CCDC60: variants seen among roughly 807,000 people sequenced by gnomAD.
CCDC60 encodes the protein coiled-coil domain-containing protein 60.
In CCDC60, 54 loss-of-function variants were observed where a neutral mutation model predicts 63.5. That is an observed-to-expected ratio of 0.85 (90% CI 0.68 to 1.07). The LOEUF is 1.07. Ranked by LOEUF, CCDC60 falls within the 50% of genes least tolerant of loss-of-function variation. The pLI is 0.00. For missense variants in CCDC60, 651 were observed against 684.3 expected, an observed-to-expected ratio of 0.95 and a Z score of 0.54; for synonymous variants, 206 against 238.8, an observed-to-expected ratio of 0.86 and a Z score of 1.27.
chr12:119,466,237 T>A (rs552885925), intron 2 of CCDC60, among the ~76,000 whole-genome samples: 3 of 152,156 alleles, frequency 2.0e-5, no homozygotes, highest in African/African-American at 7.2e-5. Context: ...TGTTCCTCCA[T>A]AGCAGTTGGC....
intron 1 of CCDC60, among the ~76,000 whole-genome samples, chr12:119,376,190 A>G (rs1369581576): frequency 2.6e-5 from 4 of 152,186 alleles, no homozygotes; most frequent in Admixed American, 1.3e-4. Context: ...AGCCCACTCA[A>G]TTGGAACAGC....
intron 1 of CCDC60, among the ~76,000 whole-genome samples, chr12:119,413,609 C>T (rs1292312205): frequency 2.0e-5 from 3 of 152,216 alleles, no homozygotes; most frequent in Non-Finnish European, 4.4e-5. Context: ...GTGGGCCTCT[C>T]AGCATCCTCA....
chr12:119,421,519 C>T (rs1302297737), intron 1 of CCDC60, among the ~76,000 whole-genome samples: 1 of 152,176 alleles, frequency 6.6e-6, no homozygotes, highest in Non-Finnish European at 1.5e-5. Context: ...CTTTTTAAGC[C>T]TCTATTTGCT....
chr12:119,406,907 T>C (rs536834895), intron 1 of CCDC60, among the ~76,000 whole-genome samples: 2 of 152,202 alleles, frequency 1.3e-5, no homozygotes, highest in Admixed American at 1.3e-4. Flanking sequence ...TTTGGTTTCA[T>C]GTTTGTAAAG....
chr12:119,431,205 C>CTG lies in CCDC60; in HGVS notation c.170+2448_170+2449dup, dbSNP rs145201722. On this transcript the variant is annotated intron_variant, in intron 2 of 13. Coordinates refer to ENST00000327554, the MANE Select transcript of CCDC60 (RefSeq NM_178499.5). ...GAAAGAGTAATTCACGCAGAGCCGG[C>CTG]TGTGTGAGAGATTAAAGTTTTATTA... 5.5e-3 allele frequency among the ~76,000 whole-genome samples: 844 copies of CTG among 152,316 alleles called. 7 individuals are homozygous for CTG. Among genetic ancestry groups the CTG allele is most frequent in the African/African-American group, 0.02 (813 of 41,568 alleles).
At chr12:119,386,736 A>G (rs1956067100) in intron 1 of CCDC60, among the ~76,000 whole-genome samples, 1 of 152,188 alleles carries the variant, frequency 6.6e-6, no homozygotes, top group Non-Finnish European at 1.5e-5. Flanking sequence ...GAGCCTTAAG[A>G]CTAATGGTAC....
chr12:119,404,362 ACACC>A (rs1375025675), intron 1 of CCDC60, among the ~76,000 whole-genome samples: 2 of 150,804 alleles, frequency 1.3e-5, no homozygotes, highest in Admixed American at 1.3e-4. Context: ...TTGTGTGCTC[ACACC>A]TCCAGCTCCC....
chr12:119,356,515 T>C (rs768577752), intron 1 of CCDC60, among the ~76,000 whole-genome samples: 1 of 152,220 alleles, frequency 6.6e-6, no homozygotes, highest in Non-Finnish European at 1.5e-5. Flanking sequence ...GTTCAGACCA[T>C]TTCCTTCCAA....
chr12:119,488,760 G>T lies in CCDC60; in HGVS notation c.451G>T (p.Glu151Ter), dbSNP rs144745942. 1.2e-6 allele frequency: 2 copies of T among 1,613,670 alleles called. No individual in the cohort carries two copies. Among genetic ancestry groups the T allele is most frequent in the Non-Finnish European group, 1.7e-6 (2 of 1,179,620 alleles). The change falls in exon 5 of 14, where the codon GAG becomes TAG. Residue 151 changes from glutamate to a stop codon, truncating the protein, a stop_gained and splice_region_variant. Coordinates refer to ENST00000327554, the MANE Select transcript of CCDC60 (RefSeq NM_178499.5). LOFTEE classifies it high-confidence loss of function. ...TGTTCCCTCTCTCTGTCTTTGCAGC[G>T]AGCCCCTCTTCCGCCAGCTCTGTGC... ...ISPSLTEAHV[E>*]PLFRQLCALH...
chr12:119,504,963 C>G (rs1327491644), intron 6 of CCDC60, 106 bp from the exon 7 acceptor site: 4 of 776,218 alleles, frequency 5.2e-6, no homozygotes, highest in Non-Finnish European at 8.2e-6. Context: ...CCAGGCTTTG[C>G]TTTTGTCTGC....
intron 11 of CCDC60, among the ~76,000 whole-genome samples, chr12:119,527,625 CTT>C: frequency 6.9e-6 from 1 of 145,046 alleles, no homozygotes; most frequent in Non-Finnish European, 1.5e-5. Context: ...GGAGGTTGAG[CTT>C]TATCTCAGAG....
chr12:119,488,792 C>A lies in CCDC60; in HGVS notation c.483C>A (p.His161Gln), dbSNP rs758525946. Residue 161 changes from histidine (H) to glutamine (Q), a missense_variant, in exon 5 of 14, where the codon CAC becomes CAA. By Grantham distance (24) the His-to-Gln change is conservative. Transcript: ENST00000327554. ...EPLFRQLCALHWLLEALTIDH... is the reference protein window; with the variant it reads ...EPLFRQLCALQWLLEALTIDH... ...TCTTCCGCCAGCTCTGTGCTCTCCA[C>A]TGGCTTCTGGAGGCCCTGACTATTG... The A allele has an allele frequency of 6.2e-7, 1 of 1,614,236 alleles. No homozygotes were observed. The highest frequency in any genetic ancestry group is 1.1e-5 in the South Asian group (1 of 91,090).
intron 13 of CCDC60, among the ~76,000 whole-genome samples, chr12:119,531,283 C>CTTTGG (rs761608958): frequency 5.3e-5 from 8 of 152,158 alleles, no homozygotes; most frequent in Non-Finnish European, 1.2e-4. Context: ...AACTCAGAGG[C>CTTTGG]TTTGGGGTGG....
chr12:119,340,679 G>A (rs1955523262), intron 1 of CCDC60, among the ~76,000 whole-genome samples: 1 of 152,100 alleles, frequency 6.6e-6, no homozygotes, highest in African/African-American at 2.4e-5. Context: ...GAGAAACCTG[G>A]ACTCCCAGCA....
chr12:119,514,671 T>C (rs535433680), intron 7 of CCDC60, among the ~76,000 whole-genome samples: 1 of 152,114 alleles, frequency 6.6e-6, no homozygotes, highest in East Asian at 1.9e-4. Flanking sequence ...AGTAAAAAAG[T>C]ACAGTAAGCT....
intron 1 of CCDC60, among the ~76,000 whole-genome samples, chr12:119,388,989 C>T (rs1956107303): frequency 6.6e-6 from 1 of 152,116 alleles, no homozygotes; most frequent in African/African-American, 2.4e-5. Context: ...GATCTCATAC[C>T]ATCATTTGCC....
rs1353404915 is a variant in CCDC60 at position 119,469,258 on chromosome 12, ATTTTT to A, written c.171-2734_171-2730del. ...ATGGCACTTTCTTGCTTTTCAAAAA[ATTTTT>A]TGAGATGGAGTCTCACTCTGTCACT... On this transcript the variant is annotated intron_variant, in intron 2 of 13. Transcript: ENST00000327554. Among the ~76,000 whole-genome samples the A allele has an allele frequency of 2.0e-5, 3 of 151,998 alleles. No individual in the cohort carries two copies. The East Asian group carries it at 5.8e-4, about 29-fold the overall frequency.
At chr12:119,476,895 T>G (rs1951187979) in intron 3 of CCDC60, among the ~76,000 whole-genome samples, 3 of 152,222 alleles carry the variant, frequency 2.0e-5, no homozygotes, top group Admixed American at 2.0e-4. Context: ...CCAGTTAATT[T>G]CCATTCAACC....
intron 4 of CCDC60, chr12:119,479,495 G>A (rs553223240): frequency 3.8e-5 from 13 of 339,790 alleles, no homozygotes; most frequent in African/African-American, 2.1e-4. Context: ...AGCCCTCATC[G>A]AGTGTGTGCG....
Sources: allele counts gnomAD v4.1 joint callset (sites outside exome capture counted in the v4.1 genomes callset), GRCh38; gene constraint gnomAD v4.1.1; transcripts MANE v1.5; gene names NCBI Gene and HGNC (gene_info 2026-07-23, HGNC 2026-07-21).